SYN3: variants seen among roughly 807,000 people sequenced by gnomAD.
SYN3 encodes synapsin-3.
In SYN3, 35 loss-of-function variants were observed where a neutral mutation model predicts 65.8. The observed-to-expected ratio is 0.53, with a 90% CI of 0.41 to 0.70. The LOEUF (loss-of-function observed/expected upper bound fraction) is 0.70, where lower values mean the gene tolerates loss of function less well. Ranked by LOEUF, SYN3 falls within the 30% of genes least tolerant of loss-of-function variation. SYN3 has a pLI of 0.00. For missense variants in SYN3, 680 were observed against 749.0 expected, an observed-to-expected ratio of 0.91 and a Z score of 1.08; for synonymous variants, 270 against 292.9, an observed-to-expected ratio of 0.92 and a Z score of 0.80.
At chr22:32,961,589 CA>C in intron 3 of SYN3, among the ~76,000 whole-genome samples, 1 of 152,350 alleles carries the variant, frequency 6.6e-6, no homozygotes, top group Middle Eastern at 3.4e-3. Flanking sequence ...AGCCTCGTAG[CA>C]ACCCCACAGA....
At chr22:32,605,891 C>T (rs943202227) in intron 6 of SYN3, among the ~76,000 whole-genome samples, 4 of 152,148 alleles carry the variant, frequency 2.6e-5, no homozygotes, top group African/African-American at 7.2e-5. Context: ...GTTGTGAGCC[C>T]TTGGGTAAGT....
chr22:32,683,893 A>G (rs1481918521), intron 6 of SYN3, among the ~76,000 whole-genome samples: 8 of 152,118 alleles, frequency 5.3e-5, no homozygotes, highest in Non-Finnish European at 1.0e-4. Flanking sequence ...GCAAGCTAAC[A>G]CTGCAGTTTC....
chr22:32,749,019 G>C (rs911728251), intron 6 of SYN3, among the ~76,000 whole-genome samples: 2 of 152,116 alleles, frequency 1.3e-5, no homozygotes, highest in African/African-American at 4.8e-5. Context: ...GACCCTGCTT[G>C]GCTGTGTTAA....
intron 3 of SYN3, among the ~76,000 whole-genome samples, chr22:32,972,240 G>C (rs2095692260): frequency 6.6e-6 from 1 of 152,178 alleles, no homozygotes; most frequent in East Asian, 1.9e-4. Flanking sequence ...GTTTAGCATT[G>C]TCTATAATAG....
Position 33,040,714 on chromosome 22 carries a change from G to A in SYN3, c.-163+17578C>T, listed in dbSNP as rs77501466. The stretch of plus-strand genomic sequence containing the variant: ...GGGTGGTTTTTCCCATACTGTTCTC[G>A]TGATAATGAGTGAGTCTGACAACAT... On this transcript the variant is annotated intron_variant, in intron 1 of 13. Coordinates refer to ENST00000358763, the MANE Select transcript of SYN3 (RefSeq NM_003490.4). 5.3e-4 allele frequency among the ~76,000 whole-genome samples: 80 copies of A among 152,172 alleles called. 1 individual carries two copies. The East Asian group carries it at 0.013, about 25-fold the overall frequency.
At chr22:32,839,213 G>A (rs1037885506) in intron 6 of SYN3, among the ~76,000 whole-genome samples, 10 of 152,078 alleles carry the variant, frequency 6.6e-5, no homozygotes, top group Non-Finnish European at 1.2e-4. Context: ...ATATGCCACC[G>A]AGCTATGCAG....
intron 12 of SYN3, among the ~76,000 whole-genome samples, chr22:32,523,576 T>C (rs2057925940): frequency 6.6e-6 from 1 of 152,198 alleles, no homozygotes; most frequent in Non-Finnish European, 1.5e-5. Flanking sequence ...GTGTGTGTTC[T>C]GGCTGCCCCA....
chr22:32,918,219 C>CA (rs765912665), intron 4 of SYN3, among the ~76,000 whole-genome samples: 3 of 152,200 alleles, frequency 2.0e-5, no homozygotes, highest in Non-Finnish European at 4.4e-5. Context: ...GCTGGGGCCA[C>CA]AATTCGGAAA....
In SYN3 at chr22:32,644,101, A is replaced by AAAG. The variant is rs368236821; in HGVS notation, c.712-47366_712-47365insCTT. On this transcript the variant is annotated intron_variant, in intron 6 of 13. Coordinates refer to ENST00000358763, the MANE Select transcript of SYN3 (RefSeq NM_003490.4). The stretch of plus-strand genomic sequence containing the variant: ...AAAAAAAAAAAAAAAAAAAAAAAAA[A>AAAG]AGCGACAAGACTGACTGATGATGGG... 9.8e-5 allele frequency among the ~76,000 whole-genome samples: 7 copies of AAAG among 71,214 alleles called. 1 individual carries two copies. The highest frequency in any genetic ancestry group is 1.9e-4 in the Admixed American group (1 of 5,400). The allele number at this position is 71,214 out of a possible 152,430, so 46.7% of individuals were successfully genotyped here. A position where few individuals can be genotyped will look rare whatever the true frequency, so the allele number is the denominator to read the frequency against.
At chr22:32,962,842 A>ATCTG in intron 3 of SYN3, among the ~76,000 whole-genome samples, 1 of 136,190 alleles carries the variant, frequency 7.3e-6, no homozygotes, top group East Asian at 2.0e-4. Context: ...CTATCTATCT[A>ATCTG]TCTATCTATC....
Position 32,872,358 on chromosome 22 carries a change from C to T in SYN3, c.462-3233G>A, listed in dbSNP as rs182510896. On this transcript the variant is annotated intron_variant, in intron 4 of 13. Transcript: ENST00000358763. ...GAAAGGGGAGGGATCACTTTCCCTG[C>T]GATCCTAGAGAAGAAAACTAGACTG... Among the ~76,000 whole-genome samples, 407 of 152,188 alleles carry T rather than the reference C, an allele frequency of 2.7e-3. 4 individuals carry two copies. The highest frequency in any genetic ancestry group is 9.1e-3 in the African/African-American group (377 of 41,518).
At chr22:32,945,373 C>G (rs2051074499) in intron 3 of SYN3, among the ~76,000 whole-genome samples, 2 of 152,104 alleles carry the variant, frequency 1.3e-5, no homozygotes, top group Admixed American at 6.5e-5. Context: ...ACAGAGCCCT[C>G]AGAAATAATA....
chr22:32,806,113 C>A (rs1188515332), intron 6 of SYN3, among the ~76,000 whole-genome samples: 3 of 151,874 alleles, frequency 2.0e-5, no homozygotes, highest in African/African-American at 7.3e-5. Flanking sequence ...TTCAGGGCTT[C>A]AAGACTCTTC....
At chr22:33,039,747 A>AC (rs976752280) in intron 1 of SYN3, among the ~76,000 whole-genome samples, 8 of 150,424 alleles carry the variant, frequency 5.3e-5, no homozygotes, top group Non-Finnish European at 1.2e-4. Flanking sequence ...TCCTCTCAAC[A>AC]CCCCTCTCTC....
At chr22:32,614,999 A>T (rs1724259909) in intron 6 of SYN3, among the ~76,000 whole-genome samples, 1 of 151,354 alleles carries the variant, frequency 6.6e-6, no homozygotes, top group Non-Finnish European at 1.5e-5. Flanking sequence ...GCCAATGGGG[A>T]AGAATAATTG....
intron 6 of SYN3, among the ~76,000 whole-genome samples, chr22:32,791,351 C>G (rs759013358): frequency 4.6e-5 from 7 of 152,098 alleles, no homozygotes; most frequent in Non-Finnish European, 8.8e-5. Context: ...CTCAAATGTT[C>G]TGATTCTAAC....
intron 6 of SYN3, among the ~76,000 whole-genome samples, chr22:32,814,035 A>G (rs1280327281): frequency 4.0e-5 from 6 of 151,698 alleles, no homozygotes; most frequent in Non-Finnish European, 8.8e-5. Flanking sequence ...GTTAGTAGGC[A>G]TTCAATAAAA....
chr22:32,825,488 G>A (rs534183414), intron 6 of SYN3, among the ~76,000 whole-genome samples: 8 of 151,466 alleles, frequency 5.3e-5, no homozygotes, highest in South Asian at 2.1e-4. Context: ...GTGAAACCCC[G>A]TCTTTACTAA....
chr22:32,512,503 A>G lies in SYN3; in HGVS notation c.*1189T>C, dbSNP rs1440268330. ...GGGAAAGAGCACTGGGAAGGGAGTT[A>G]GACTACTTTTTCCAGCTCTGCAACT... On this transcript the variant is annotated 3_prime_UTR_variant, in exon 14 of 14. Transcript: ENST00000358763. 6.6e-6 allele frequency: 1 copy of G among 152,170 alleles called. No individual in the cohort carries two copies. The highest frequency in any genetic ancestry group is 1.5e-5 in the Non-Finnish European group (1 of 68,028). The allele number at this position is 152,170 out of a possible 1,614,324, so 9.4% of individuals were successfully genotyped here. A position where few individuals can be genotyped will look rare whatever the true frequency, so the allele number is the denominator to read the frequency against.
Sources: allele counts gnomAD v4.1 joint callset (sites outside exome capture counted in the v4.1 genomes callset), GRCh38; gene constraint gnomAD v4.1.1; transcripts MANE v1.5; gene names NCBI Gene and HGNC (gene_info 2026-07-23, HGNC 2026-07-21).